Variants in SCHIP1 observed in about 807,000 individuals in gnomAD.
SCHIP1 encodes the protein schwannomin-interacting protein 1.
In SCHIP1, 8 loss-of-function variants were observed where a neutral mutation model predicts 29.7. The observed-to-expected ratio is 0.27, with a 90% CI of 0.16 to 0.49. The LOEUF (loss-of-function observed/expected upper bound fraction) is 0.49. Ranked by LOEUF, SCHIP1 falls within the 20% of genes least tolerant of loss-of-function variation. The probability of loss-of-function intolerance (pLI) is 0.99; values close to 1 mark genes in which losing one functional copy is unlikely to be tolerated. For synonymous variants in SCHIP1, 76 were observed against 94.9 expected, an observed-to-expected ratio of 0.80 and a Z score of 1.16; for missense variants, 193 against 294.6, an observed-to-expected ratio of 0.66 and a Z score of 2.52.
At chr3:159,854,912 G>T (rs1713141805) in intron 1 of SCHIP1, among the ~76,000 whole-genome samples, 5 of 152,338 alleles carry the variant, frequency 3.3e-5, no homozygotes, top group Non-Finnish European at 4.4e-5. Context: ...AGTAAGCAGT[G>T]ATACACCAGC....
chr3:159,850,657 C>T (rs1712492376), intron 1 of SCHIP1, among the ~76,000 whole-genome samples: 1 of 151,848 alleles, frequency 6.6e-6, no homozygotes. Flanking sequence ...GTGGGGGAGG[C>T]CTCAGGAAAC....
At chr3:159,310,956 G>A in the SCHIP1 span, among the ~76,000 whole-genome samples, 8 of 152,038 alleles carry the variant, frequency 5.3e-5, no homozygotes, top group Non-Finnish European at 1.0e-4. Context: ...GGATGATTGT[G>A]GAGATATAGC....
chr3:159,895,840 C>T lies in SCHIP1; in HGVS notation c.684-883C>T, dbSNP rs139368041. 1.2e-3 allele frequency among the ~76,000 whole-genome samples: 177 copies of T among 152,272 alleles called. 1 individual carries two copies. Among genetic ancestry groups the T allele is most frequent in the African/African-American group, 4.1e-3 (170 of 41,554 alleles). On this transcript the variant is annotated intron_variant, in intron 6 of 6. Transcript: ENST00000445224. The stretch of plus-strand genomic sequence containing the variant: ...CCTCCTGAATAGCTGGGATTACAGG[C>T]GCACACCACCATGCCCAGCTAATTT...
At chr3:159,622,989 A>T in the SCHIP1 span, among the ~76,000 whole-genome samples, 1 of 152,202 alleles carries the variant, frequency 6.6e-6, no homozygotes, top group African/African-American at 2.4e-5. Flanking sequence ...ACACAAATAT[A>T]TATATTCAAA....
the SCHIP1 span, among the ~76,000 whole-genome samples, chr3:159,469,641 G>A: frequency 4.6e-5 from 7 of 152,068 alleles, no homozygotes; most frequent in African/African-American, 1.7e-4. Flanking sequence ...TGGGGAGAAC[G>A]GCATCTTTAA....
chr3:159,402,948 G>GA, the SCHIP1 span, among the ~76,000 whole-genome samples: 7 of 150,404 alleles, frequency 4.7e-5, no homozygotes, highest in East Asian at 1.9e-4. Flanking sequence ...AATAATAAAA[G>GA]AAAAAAAAGA....
At chr3:159,736,782 T>TA in the SCHIP1 span, among the ~76,000 whole-genome samples, 1 of 151,612 alleles carries the variant, frequency 6.6e-6, no homozygotes, top group Non-Finnish European at 1.5e-5. Flanking sequence ...TCGCCCAGGC[T>TA]GAAGTGCAGT....
the SCHIP1 span, among the ~76,000 whole-genome samples, chr3:159,477,865 G>A: frequency 6.6e-6 from 1 of 150,800 alleles, no homozygotes; most frequent in Non-Finnish European, 1.5e-5. Context: ...TCTACATCAT[G>A]GAACTTTTTG....
chr3:159,408,152 G>A, the SCHIP1 span, among the ~76,000 whole-genome samples: 2 of 151,962 alleles, frequency 1.3e-5, no homozygotes, highest in Non-Finnish European at 2.9e-5. Context: ...CAAAAAATTA[G>A]CCGGGCATGG....
chr3:159,474,844 T>G, the SCHIP1 span, among the ~76,000 whole-genome samples: 1 of 152,206 alleles, frequency 6.6e-6, no homozygotes, highest in Admixed American at 6.6e-5. Context: ...GTATCCATCC[T>G]TGGATGTTTT....
the SCHIP1 span, among the ~76,000 whole-genome samples, chr3:159,726,000 A>G: frequency 2.0e-5 from 3 of 152,220 alleles, no homozygotes; most frequent in Non-Finnish European, 2.9e-5. Context: ...TCCATTAGCT[A>G]TATTATAACA....
At chr3:159,608,779 G>T in the SCHIP1 span, among the ~76,000 whole-genome samples, 1 of 152,252 alleles carries the variant, frequency 6.6e-6, no homozygotes, top group Non-Finnish European at 1.5e-5. Flanking sequence ...AAAAAGAACA[G>T]AATAAGTACT....
chr3:159,473,674 GA>G, the SCHIP1 span, among the ~76,000 whole-genome samples: 22,574 of 82,048 alleles, frequency 0.28, 1,563 homozygotes, highest in East Asian at 0.38. Context: ...ATGTAACTAC[GA>G]AAAAAAAAAA....
the SCHIP1 span, chr3:159,401,129 A>G: frequency 1.0e-6 from 1 of 961,748 alleles, no homozygotes; most frequent in Non-Finnish European, 1.2e-6. Context: ...ACAGTGAGCA[A>G]CTTGAAGGCC....
chr3:159,586,548 T>G, the SCHIP1 span, among the ~76,000 whole-genome samples: 4 of 152,136 alleles, frequency 2.6e-5, no homozygotes, highest in Admixed American at 2.6e-4. Context: ...AGAAAACATT[T>G]TCTTAATATT....
At chr3:159,336,848 A>G in the SCHIP1 span, among the ~76,000 whole-genome samples, 1 of 152,136 alleles carries the variant, frequency 6.6e-6, no homozygotes, top group Non-Finnish European at 1.5e-5. Context: ...TTCCATGTGA[A>G]CTTTAAAGTA....
chr3:159,886,310 C>T (rs1716954124), exon 3 of SCHIP1: 1 of 1,613,820 alleles, frequency 6.2e-7, no homozygotes, highest in South Asian at 1.1e-5. Flanking sequence ...CTTGGACACC[C>T]CCTTGTCTCC....
chr3:159,890,126 GC>G (rs1294405354), intron 5 of SCHIP1, among the ~76,000 whole-genome samples: 1 of 151,630 alleles, frequency 6.6e-6, no homozygotes, highest in African/African-American at 2.4e-5. Context: ...GAAAAGAAAA[GC>G]CTCTGTCTTT....
the SCHIP1 span, among the ~76,000 whole-genome samples, chr3:159,385,347 C>T: frequency 6.6e-6 from 1 of 152,088 alleles, no homozygotes; most frequent in Non-Finnish European, 1.5e-5. Flanking sequence ...CAGTTGAGGC[C>T]AGGAGTTCGA....
Sources: gnomAD v4.1 joint callset for allele counts (sites outside exome capture counted in the v4.1 genomes callset) on GRCh38, gnomAD v4.1.1 for gene constraint, MANE v1.5 for transcripts, NCBI Gene and HGNC (gene_info 2026-07-23, HGNC 2026-07-21) for gene names.